Variants in ERI3 observed in about 807,000 individuals in gnomAD.
ERI3 encodes ERI1 exoribonuclease family member 3, also known as ERI1 exoribonuclease 3.
In ERI3, 18 loss-of-function variants were observed where a neutral mutation model predicts 44.4. That is an observed-to-expected ratio of 0.41 (90% confidence interval 0.28 to 0.60). The LOEUF (loss-of-function observed/expected upper bound fraction) is 0.60, where lower values mean the gene tolerates loss of function less well. Ranked by LOEUF, ERI3 falls within the 20% of genes least tolerant of loss-of-function variation. The probability of loss-of-function intolerance (pLI) is 0.36; values close to 1 mark genes in which losing one functional copy is unlikely to be tolerated. For missense variants in ERI3, 294 were observed against 435.5 expected (o/e 0.68, Z 2.89); for synonymous variants, 183 against 164.8 (o/e 1.11, Z -0.84).
intron 7 of ERI3, among the ~76,000 whole-genome samples, chr1:44,271,068 T>G (rs952819564): frequency 1.3e-5 from 2 of 152,228 alleles, no homozygotes; most frequent in Admixed American, 1.3e-4. Flanking sequence ...CTGCTATCCC[T>G]GGCCCACGGG....
At chr1:44,348,505 G>C (rs1404807616) in intron 2 of ERI3, among the ~76,000 whole-genome samples, 1 of 152,218 alleles carries the variant, frequency 6.6e-6, no homozygotes, top group Non-Finnish European at 1.5e-5. Flanking sequence ...TTTACCTGTA[G>C]CTGTGGGGCA....
rs1004837199 is a variant in ERI3 at position 44,241,725 on chromosome 1, A to G, written c.931+6214T>C. On this transcript the variant is annotated intron_variant, in intron 8 of 8. Transcript: ENST00000372257. This position sits in a 1 kb window ranked among gnomAD's most constrained non-coding sequence, Gnocchi z 5.6. Reference sequence around the variant, plus strand: ...TTGACAGGAGATACAGAGAGAGACAAGGGGAGGCGAGGCCGGGGCCTGGGG... The same window carrying G: ...TTGACAGGAGATACAGAGAGAGACAGGGGGAGGCGAGGCCGGGGCCTGGGG... 6.6e-6 allele frequency among the ~76,000 whole-genome samples: 1 copy of G among 152,106 alleles called. No homozygotes were observed. Among genetic ancestry groups the G allele is most frequent in the Non-Finnish European group, 1.5e-5 (1 of 68,014 alleles).
At chr1:44,338,721 C>G (rs1646584983) in intron 3 of ERI3, among the ~76,000 whole-genome samples, 1 of 152,122 alleles carries the variant, frequency 6.6e-6, no homozygotes, top group Non-Finnish European at 1.5e-5. Flanking sequence ...GCTACTATAG[C>G]ACTCCTTAAA....
chr1:44,251,686 G>C (rs1480879515), intron 7 of ERI3, among the ~76,000 whole-genome samples: 1 of 152,202 alleles, frequency 6.6e-6, no homozygotes, highest in Non-Finnish European at 1.5e-5. Flanking sequence ...GCACAGCAAA[G>C]ACAAAGGAAA....
At chr1:44,231,365 T>C (rs1644179552) in intron 8 of ERI3, among the ~76,000 whole-genome samples, 1 of 152,166 alleles carries the variant, frequency 6.6e-6, no homozygotes, top group African/African-American at 2.4e-5. Flanking sequence ...TGTATTCACA[T>C]TTTTCCTTGC....
intron 8 of ERI3, among the ~76,000 whole-genome samples, chr1:44,225,782 A>C (rs569752986): frequency 2.4e-4 from 37 of 152,326 alleles, no homozygotes; most frequent in African/African-American, 8.4e-4. Context: ...ACTGAGTGGC[A>C]GTGGACAGGA....
chr1:44,262,854 G>A (rs777780525), intron 7 of ERI3, among the ~76,000 whole-genome samples: 1 of 152,142 alleles, frequency 6.6e-6, no homozygotes, highest in Non-Finnish European at 1.5e-5. Context: ...AAGCTTCCCT[G>A]CTTCCCTCCC....
chr1:44,259,689 G>GACACACACACAA, intron 7 of ERI3, among the ~76,000 whole-genome samples: 1 of 140,384 alleles, frequency 7.1e-6, no homozygotes, highest in South Asian at 2.3e-4. Context: ...AAAACACACA[G>GACACACACACAA]ACACACACAC....
intron 6 of ERI3, among the ~76,000 whole-genome samples, chr1:44,304,685 T>C (rs906073130): frequency 5.3e-5 from 8 of 152,130 alleles, no homozygotes; most frequent in Non-Finnish European, 7.4e-5. Context: ...CTTGACCGCT[T>C]GACAGCAGCC....
intron 6 of ERI3, among the ~76,000 whole-genome samples, chr1:44,291,201 A>T (rs1173963729): frequency 2.0e-5 from 3 of 152,128 alleles, no homozygotes; most frequent in Admixed American, 2.0e-4. Context: ...TGAGCGGAGG[A>T]GGGTAGAGAG....
At chr1:44,249,323 C>T (rs1442394904) in intron 7 of ERI3, among the ~76,000 whole-genome samples, 3 of 152,154 alleles carry the variant, frequency 2.0e-5, no homozygotes, top group Non-Finnish European at 4.4e-5. Context: ...TAGATGAGCA[C>T]CGCAGTGGTC....
intron 8 of ERI3, among the ~76,000 whole-genome samples, chr1:44,230,144 G>C (rs1013923701): frequency 6.6e-6 from 1 of 152,158 alleles, no homozygotes; most frequent in African/African-American, 2.4e-5. Context: ...AATCTAGTCA[G>C]GCAGATAATA....
intron 5 of ERI3, among the ~76,000 whole-genome samples, chr1:44,310,045 T>C (rs1645920427): frequency 6.6e-6 from 1 of 152,158 alleles, no homozygotes; most frequent in Non-Finnish European, 1.5e-5. Context: ...CTATAAAATC[T>C]TACACAGAGT....
chr1:44,290,334 AAGT>A (rs1462123601), intron 6 of ERI3, among the ~76,000 whole-genome samples: 1 of 152,176 alleles, frequency 6.6e-6, no homozygotes, highest in African/African-American at 2.4e-5. Flanking sequence ...GCTTGGAGAG[AAGT>A]GGGCCAGTAG....
At chr1:44,274,974 C>G in intron 7 of ERI3, among the ~76,000 whole-genome samples, 1 of 152,120 alleles carries the variant, frequency 6.6e-6, no homozygotes, top group East Asian at 1.9e-4. Flanking sequence ...TGCCCACTGC[C>G]CCATGGACAA....
chr1:44,351,988 T>C (rs930400892), intron 2 of ERI3, among the ~76,000 whole-genome samples: 1 of 152,196 alleles, frequency 6.6e-6, no homozygotes, highest in African/African-American at 2.4e-5. Flanking sequence ...TATAGCACTC[T>C]CAGATCATAT....
At chr1:44,303,199 TA>T (rs935103456) in intron 6 of ERI3, among the ~76,000 whole-genome samples, 9 of 152,206 alleles carry the variant, frequency 5.9e-5, no homozygotes, top group African/African-American at 2.2e-4. Flanking sequence ...TCTCACCCAG[TA>T]CTCACCATGG....
chr1:44,355,241 C>A lies in ERI3; in HGVS notation c.-215G>T. ...AACAGCGGCAGCCAGCACCACGAGT[C>A]CACAACACACCGACTCACCTCCGCG... On this transcript the variant is annotated 5_prime_UTR_variant, in exon 1 of 9. Transcript: ENST00000372257. 8.5e-7 allele frequency: 1 copy of A among 1,176,878 alleles called. No homozygotes were observed. Among genetic ancestry groups the A allele is most frequent in the Non-Finnish European group, 1.0e-6 (1 of 952,850 alleles). The allele number at this position is 1,176,878 out of a possible 1,614,324, so 72.9% of individuals were successfully genotyped here.
chr1:44,343,689 A>G (rs556044434), intron 2 of ERI3, among the ~76,000 whole-genome samples: 1 of 152,348 alleles, frequency 6.6e-6, no homozygotes, highest in South Asian at 2.1e-4. Flanking sequence ...CATTCCTAGG[A>G]CAACTGGCAA....
Sources: allele counts gnomAD v4.1 joint callset (sites outside exome capture counted in the v4.1 genomes callset), GRCh38; gene constraint gnomAD v4.1.1; non-coding constraint Gnocchi (gnomAD v3.1); transcripts MANE v1.5; gene names NCBI Gene and HGNC (gene_info 2026-07-23, HGNC 2026-07-21).